PCDHA4: variants seen among roughly 807,000 people sequenced by gnomAD.
PCDHA4 encodes the protein protocadherin alpha 4.
PCDHA4 carries 49 observed loss-of-function variants against 61.4 expected under a neutral mutation model. That is an observed-to-expected ratio of 0.80 (90% CI 0.63 to 1.01). PCDHA4 has a LOEUF of 1.01. Ranked by LOEUF, PCDHA4 falls within the 50% of genes least tolerant of loss-of-function variation. The probability of loss-of-function intolerance (pLI) is 0.00; values close to 1 mark genes in which losing one functional copy is unlikely to be tolerated. For synonymous variants in PCDHA4, 590 were observed against 550.3 expected, an observed-to-expected ratio of 1.07 and a Z score of -1.01; for missense variants, 1,254 against 1,235.8, an observed-to-expected ratio of 1.01 and a Z score of -0.22.
intron 1 of PCDHA4, chr5:140,877,281 T>TA (rs782748230): frequency 8.7e-6 from 14 of 1,613,708 alleles, no homozygotes; most frequent in Non-Finnish European, 1.2e-5. Context: ...ACTCCGGCTA[T>TA]AACGCTTGGC....
intron 1 of PCDHA4, chr5:140,843,294 C>G (rs2150356676): frequency 6.3e-7 from 1 of 1,595,870 alleles, no homozygotes; most frequent in Non-Finnish European, 8.6e-7. Flanking sequence ...GGTGAACCTG[C>G]GCTGACCGCC....
intron 1 of PCDHA4, chr5:140,858,627 T>A: frequency 1.8e-6 from 2 of 1,097,414 alleles, no homozygotes; most frequent in South Asian, 1.7e-5. Flanking sequence ...ACCCAGTGTG[T>A]CAGCCTTTGA....
intron 1 of PCDHA4, chr5:140,851,368 A>T: frequency 1.0e-6 from 1 of 976,356 alleles, no homozygotes; most frequent in Non-Finnish European, 1.2e-6. Flanking sequence ...TGAACATCTG[A>T]TTGTTCAGCA....
intron 1 of PCDHA4, among the ~76,000 whole-genome samples, chr5:140,879,982 T>A (rs1554171120): frequency 1.3e-5 from 2 of 152,226 alleles, no homozygotes; most frequent in Non-Finnish European, 2.9e-5. Context: ...CCTTTCAAGA[T>A]CCTTAACTTA....
intron 3 of PCDHA4, among the ~76,000 whole-genome samples, chr5:140,987,422 G>A (rs1554249178): frequency 6.6e-6 from 1 of 152,152 alleles, no homozygotes; most frequent in Non-Finnish European, 1.5e-5. Flanking sequence ...CTTGTGAGAA[G>A]CAGGGGGCCT....
chr5:140,821,944 G>A, intron 1 of PCDHA4: 2 of 1,614,180 alleles, frequency 1.2e-6, no homozygotes, highest in South Asian at 1.1e-5. Flanking sequence ...GGAGCTGGCG[G>A]AGCTGGTGCC....
rs2150251833 is a variant in PCDHA4, at chr5:140,836,067, G to A, written c.2385+26495G>A. 18 of 1,613,552 alleles carry A rather than the reference G, an allele frequency of 1.1e-5. 1 individual carries two copies. Among genetic ancestry groups the A allele is most frequent in the Non-Finnish European group, 1.4e-5 (16 of 1,179,776 alleles). On this transcript the variant is annotated intron_variant, in intron 1 of 3. Transcript: ENST00000530339. Reference sequence around the variant, plus strand: ...GTTCGTGCTGGACGAGAACGACAACGCGCCGGCACTGCTGGCGCCTCGGGT... The same window carrying A: ...GTTCGTGCTGGACGAGAACGACAACACGCCGGCACTGCTGGCGCCTCGGGT...
chr5:140,877,266 C>T, intron 1 of PCDHA4: 1 of 1,613,808 alleles, frequency 6.2e-7, no homozygotes, highest in Non-Finnish European at 8.5e-7. Flanking sequence ...GCGCGGTGGA[C>T]GCTGACTCCG....
chr5:140,871,420 C>G (rs1193380487), intron 1 of PCDHA4: 1 of 1,613,620 alleles, frequency 6.2e-7, no homozygotes, highest in Non-Finnish European at 8.5e-7. Context: ...GGCCTTCAGC[C>G]CCAGTCTTCC....
At chr5:140,922,139 C>T (rs2080663133) in intron 1 of PCDHA4, among the ~76,000 whole-genome samples, 1 of 151,854 alleles carries the variant, frequency 6.6e-6, no homozygotes, top group South Asian at 2.1e-4. Flanking sequence ...TCTTATCCTC[C>T]ATGAAACTCA....
rs2150475215 is a variant in PCDHA4 at position 140,850,243 on chromosome 5, G to C, written c.2385+40671G>C. 8.4e-5 allele frequency: 134 copies of C among 1,593,880 alleles called. 16 individuals are homozygous for C. Among genetic ancestry groups the C allele is most frequent in the South Asian group, 5.0e-4 (45 of 90,414 alleles). On this transcript the variant is annotated intron_variant, in intron 1 of 3. Transcript: ENST00000530339. ...GGCGCAGTGAGCGAGATGGTGCTGC[G>C]GTCGGTGGGCGCCGGCGTAGTGGTG... is the stretch of plus-strand genomic sequence containing the variant.
chr5:140,884,467 G>A (rs199814121), intron 1 of PCDHA4: 6 of 1,613,778 alleles, frequency 3.7e-6, no homozygotes, highest in Non-Finnish European at 5.1e-6. Context: ...GCGCGTGCGC[G>A]CCGGGCAAGC....
chr5:140,827,747 C>T lies in PCDHA4; in HGVS notation c.2385+18175C>T, dbSNP rs1323675103. On this transcript the variant is annotated intron_variant, in intron 1 of 3. Transcript: ENST00000530339. The stretch of plus-strand genomic sequence containing the variant: ...TTGTTTAGCTGTGAATAATTAGATC[C>T]CTTACTTTAAATTAATAAAAGAAGT... 2.0e-5 allele frequency among the ~76,000 whole-genome samples: 3 copies of T among 152,240 alleles called. No individual in the cohort carries two copies. In the East Asian group the frequency reaches 5.8e-4, roughly 29 times the overall value.
intron 1 of PCDHA4, among the ~76,000 whole-genome samples, chr5:140,962,930 C>T (rs2095720492): frequency 6.6e-6 from 1 of 152,144 alleles, no homozygotes; most frequent in Admixed American, 6.5e-5. Context: ...TACTTCTCAA[C>T]CTCCTCTCCA....
At chr5:140,920,959 T>G (rs2079949518) in intron 1 of PCDHA4, among the ~76,000 whole-genome samples, 1 of 152,072 alleles carries the variant, frequency 6.6e-6, no homozygotes, top group Non-Finnish European at 1.5e-5. Flanking sequence ...ACTACACATG[T>G]AGTACTAGAG....
chr5:140,828,740 G>C (rs2150158441), intron 1 of PCDHA4: 1 of 1,614,226 alleles, frequency 6.2e-7, no homozygotes, highest in Admixed American at 1.7e-5. Context: ...AGCCACAGAT[G>C]GGGGCAAACC....
At chr5:140,848,355 C>A in intron 1 of PCDHA4, 1 of 1,031,242 alleles carries the variant, frequency 9.7e-7, no homozygotes, top group Non-Finnish European at 1.4e-6. Context: ...GCCCTTTTCC[C>A]ATGGGAAAGA....
At position 140,809,064 on chromosome 5, in the gene PCDHA4, T is replaced by G. The variant is rs543142225; in HGVS notation, c.1877T>G (p.Leu626Arg). The G allele has an allele frequency of 8.1e-6, 13 of 1,613,910 alleles. No homozygotes were observed. The South Asian group carries it at 1.4e-4, about 18-fold the overall frequency. ...GCGCGCATCCCGTTCCGCGTGGGGCTGTACACTGGCGAGATCAGCACAACG... is the reference window on the plus strand; with the variant it reads ...GCGCGCATCCCGTTCCGCGTGGGGCGGTACACTGGCGAGATCAGCACAACG... ...GGARIPFRVGLYTGEISTTRA... is the reference protein window; with the variant it reads ...GGARIPFRVGRYTGEISTTRA... Residue 626 changes from leucine (L) to arginine (R), a missense_variant, in exon 1 of 4, where the codon CTG becomes CGG. Transcript: ENST00000530339.
At position 140,843,135 on chromosome 5, in the gene PCDHA4, C is replaced by T. The variant is rs2150353649; in HGVS notation, c.2385+33563C>T. 5 of 1,596,024 alleles carry T rather than the reference C, an allele frequency of 3.1e-6. No individual in the cohort carries two copies. The highest frequency in any genetic ancestry group is 3.4e-6 in the Non-Finnish European group (4 of 1,165,590). On this transcript the variant is annotated intron_variant, in intron 1 of 3. Transcript: ENST00000530339. ...GTGGACGCCGACTCGGGCTACAACG[C>T]GTGGCTTTCGTATGAGCTGCAGCCA...
Sources: allele counts gnomAD v4.1 joint callset (sites outside exome capture counted in the v4.1 genomes callset), GRCh38; gene constraint gnomAD v4.1.1; transcripts MANE v1.5; gene names NCBI Gene and HGNC (gene_info 2026-07-23, HGNC 2026-07-21).